Variants in ASAP2 observed in about 807,000 individuals in gnomAD.
ASAP2 encodes the protein arf-GAP with SH3 domain, ANK repeat and PH domain-containing protein 2.
In ASAP2, 45 loss-of-function variants were observed where a neutral mutation model predicts 131.4. The ratio of observed to expected loss-of-function variants is 0.34; its 90% CI spans 0.27 to 0.44. The LOEUF is 0.44. Ranked by LOEUF, ASAP2 falls within the 20% of genes least tolerant of loss-of-function variation. The pLI is 1.00. For synonymous variants in ASAP2, 510 were observed against 503.0 expected, an observed-to-expected ratio of 1.01 and a Z score of -0.19; for missense variants, 1,011 against 1,297.0, an observed-to-expected ratio of 0.78 and a Z score of 3.39.
chr2:9,364,377 C>T (rs1673299356), intron 15 of ASAP2, among the ~76,000 whole-genome samples: 1 of 151,922 alleles, frequency 6.6e-6, no homozygotes, highest in Non-Finnish European at 1.5e-5. Context: ...TATGGTAGTA[C>T]ATGCCTGTGG....
intron 7 of ASAP2, among the ~76,000 whole-genome samples, chr2:9,331,103 G>A (rs1019000702): frequency 3.3e-5 from 5 of 152,136 alleles, no homozygotes; most frequent in Non-Finnish European, 7.3e-5. Flanking sequence ...TCCGCTTCTC[G>A]CCCCCAAGGG....
intron 16 of ASAP2, among the ~76,000 whole-genome samples, chr2:9,368,848 G>T (rs1673692402): frequency 1.3e-5 from 2 of 151,900 alleles, no homozygotes; most frequent in Non-Finnish European, 2.9e-5. Flanking sequence ...CCCCGTCTTG[G>T]TCTCTCTGCA....
At chr2:9,208,426 T>TTTTTTTTTTTTTTTTTTTTTTG (rs1320245503) in intron 1 of ASAP2, among the ~76,000 whole-genome samples, 1 of 149,908 alleles carries the variant, frequency 6.7e-6, no homozygotes, top group African/African-American at 2.5e-5. Flanking sequence ...TTTTTTTTTT[T>TTTTTTTTTTTTTTTTTTTTTTG]CCCATTTGAA....
At chr2:9,245,989 GCTAT>G (rs1311463708) in intron 1 of ASAP2, among the ~76,000 whole-genome samples, 2 of 152,186 alleles carry the variant, frequency 1.3e-5, no homozygotes, top group Admixed American at 6.5e-5. Context: ...GATGGGGATG[GCTAT>G]CTAAGTTTAG....
chr2:9,393,641 C>A lies in ASAP2; in HGVS notation c.2678C>A (p.Ala893Glu). Residue 893 changes from alanine to glutamate, a missense_variant, in exon 24 of 28, where the codon GCG becomes GAG. Physicochemically the swap from Ala to Glu is moderately radical, Grantham distance 107. This residue lies in a region of ASAP2 where 652 missense variants were observed against 698.9 expected (regional missense o/e 0.93). Transcript: ENST00000281419. The part of the protein sequence containing the change: ...PPSRLPQKKP[A>E]PGADKSTPLT... Reference sequence around the variant, plus strand: ...AGCCGCCTCCCGCAGAAGAAGCCTGCGCCGGGGTAAGCCACCCCCAGCCAG... The same window carrying A: ...AGCCGCCTCCCGCAGAAGAAGCCTGAGCCGGGGTAAGCCACCCCCAGCCAG... 6.4e-7 allele frequency: 1 copy of A among 1,571,610 alleles called. No homozygotes were observed. Among genetic ancestry groups the A allele is most frequent in the Admixed American group, 1.8e-5 (1 of 55,446 alleles).
intron 5 of ASAP2, 47 bp downstream of exon 5, chr2:9,320,384 CA>C: frequency 7.0e-7 from 1 of 1,437,732 alleles, no homozygotes; most frequent in Non-Finnish European, 9.7e-7. Context: ...TTTGGGATTT[CA>C]AATTTAAACC....
intron 15 of ASAP2, among the ~76,000 whole-genome samples, chr2:9,368,117 AT>A (rs1301786458): frequency 2.6e-5 from 4 of 152,232 alleles, no homozygotes; most frequent in African/African-American, 4.8e-5. Flanking sequence ...GGCACAGGTC[AT>A]TGGGAGGAGT....
At chr2:9,299,978 C>A (rs1012837310) in intron 3 of ASAP2, among the ~76,000 whole-genome samples, 16 of 152,188 alleles carry the variant, frequency 1.1e-4, no homozygotes, top group Non-Finnish European at 2.1e-4. Context: ...CATGTGTCAT[C>A]CCAGCACTTT....
intron 20 of ASAP2, among the ~76,000 whole-genome samples, chr2:9,382,641 A>G (rs1674951289): frequency 6.6e-6 from 1 of 152,186 alleles, no homozygotes; most frequent in Non-Finnish European, 1.5e-5. Flanking sequence ...TCCCATATGG[A>G]GTATGGATAC....
Position 9,405,624 on chromosome 2 carries a change from CTCT to C in ASAP2, c.*2302_*2304del, listed in dbSNP as rs1446042265. On this transcript the variant is annotated 3_prime_UTR_variant, in exon 28 of 28. Transcript: ENST00000281419. ...AATTAGAGCATGTTTAATAAGTTTACTCTTCTTGTTAACTAGTCATTTGACTGG... is the reference window on the plus strand; with the variant it reads ...AATTAGAGCATGTTTAATAAGTTTACTCTTGTTAACTAGTCATTTGACTGG... The C allele has an allele frequency of 6.6e-6, 1 of 152,490 alleles. No individual in the cohort carries two copies. Among genetic ancestry groups the C allele is most frequent in the African/African-American group, 2.4e-5 (1 of 41,420 alleles). 9.4% of individuals were successfully genotyped at this position (152,490 alleles called of 1,614,324 possible). A position where few individuals can be genotyped will look rare whatever the true frequency, so the allele number is the denominator to read the frequency against.
chr2:9,353,540 C>T (rs964275863), intron 12 of ASAP2, among the ~76,000 whole-genome samples: 2 of 144,252 alleles, frequency 1.4e-5, no homozygotes, highest in Non-Finnish European at 3.0e-5. Context: ...TTGGACAACA[C>T]AGCAAGACTG....
At chr2:9,293,503 A>G (rs1383863940) in intron 2 of ASAP2, among the ~76,000 whole-genome samples, 1 of 152,188 alleles carries the variant, frequency 6.6e-6, no homozygotes, top group Non-Finnish European at 1.5e-5. Flanking sequence ...CCAGTTTGAG[A>G]TCTTTCCAGA....
intron 1 of ASAP2, among the ~76,000 whole-genome samples, chr2:9,231,172 C>G (rs896353190): frequency 6.6e-6 from 1 of 152,200 alleles, no homozygotes; most frequent in East Asian, 1.9e-4. Flanking sequence ...CTGGGTGTTT[C>G]TCTCTGCTGG....
chr2:9,225,792 G>A (rs1006851712), intron 1 of ASAP2, among the ~76,000 whole-genome samples: 2 of 152,116 alleles, frequency 1.3e-5, no homozygotes, highest in African/African-American at 2.4e-5. Context: ...TAGGGCATAG[G>A]GAATACAAAG....
At chr2:9,293,603 C>T (rs1300790599) in intron 2 of ASAP2, among the ~76,000 whole-genome samples, 1 of 152,122 alleles carries the variant, frequency 6.6e-6, no homozygotes, top group Non-Finnish European at 1.5e-5. Context: ...ATTTTCTGTT[C>T]TCTAGTAGGA....
chr2:9,256,874 G>A (rs1510796), intron 1 of ASAP2, among the ~76,000 whole-genome samples: 83,419 of 152,086 alleles, frequency 0.55, 24,085 homozygotes, highest in African/African-American at 0.74. Context: ...TCTCTTAGCC[G>A]CTTGTCCTGT....
In ASAP2 at chr2:9,312,944, A is replaced by T. The variant is rs186507226; in HGVS notation, c.346-5580A>T. Among the ~76,000 whole-genome samples the T allele has an allele frequency of 1.3e-4, 20 of 152,306 alleles. No homozygotes were observed. In the East Asian group the frequency reaches 3.9e-3, roughly 29 times the overall value. On this transcript the variant is annotated intron_variant, in intron 3 of 27. Coordinates refer to ENST00000281419, the MANE Select transcript of ASAP2 (RefSeq NM_003887.3). ...CATGGTGGCGTGTGCCTGTAATCCC[A>T]GCTACCTGGGAGGCTGAGGCAGAGG...
chr2:9,376,603 A>G (rs1674422529), intron 17 of ASAP2, among the ~76,000 whole-genome samples: 1 of 152,252 alleles, frequency 6.6e-6, no homozygotes, highest in Non-Finnish European at 1.5e-5. Context: ...GCTTGCAGGC[A>G]GGGATCTGCC....
chr2:9,315,177 T>C (rs950238228), intron 3 of ASAP2, among the ~76,000 whole-genome samples: 2 of 152,096 alleles, frequency 1.3e-5, no homozygotes, highest in African/African-American at 4.8e-5. Flanking sequence ...TAAGGATGGA[T>C]TGTGGAGAGT....
Sources: gnomAD v4.1 joint callset for allele counts (sites outside exome capture counted in the v4.1 genomes callset) on GRCh38, gnomAD v4.1.1 for gene constraint, gnomAD v4.1.1 regional missense constraint, MANE v1.5 for transcripts, NCBI Gene and HGNC (gene_info 2026-07-23, HGNC 2026-07-21) for gene names.